TENM3: variants seen among roughly 807,000 people sequenced by gnomAD.
TENM3 encodes teneurin transmembrane protein 3, also known as teneurin-3.
In TENM3, 63 loss-of-function variants were observed where a neutral mutation model predicts 255.1. The ratio of observed to expected loss-of-function variants is 0.25; its 90% CI spans 0.20 to 0.30. The LOEUF is 0.30. Ranked by LOEUF, TENM3 falls within the 10% of genes least tolerant of loss-of-function variation. The probability of loss-of-function intolerance (pLI) is 1.00; values close to 1 mark genes in which losing one functional copy is unlikely to be tolerated. For synonymous variants in TENM3, 1,306 were observed against 1,322.3 expected (o/e 0.99, Z 0.27); for missense variants, 2,929 against 3,461.1 (o/e 0.85, Z 3.86).
chr4:181,888,521 T>TACAC, the TENM3 span, among the ~76,000 whole-genome samples: 3 of 80,544 alleles, frequency 3.7e-5, no homozygotes, highest in African/African-American at 1.2e-4. Context: ...TATATGTATA[T>TACAC]ATATACATAT....
At chr4:181,834,538 T>A in the TENM3 span, among the ~76,000 whole-genome samples, 1 of 152,216 alleles carries the variant, frequency 6.6e-6, no homozygotes, top group Non-Finnish European at 1.5e-5. Flanking sequence ...CCAGCTGGTA[T>A]GCACCTGCAC....
At chr4:181,506,232 A>C in the TENM3 span, among the ~76,000 whole-genome samples, 6 of 152,162 alleles carry the variant, frequency 3.9e-5, no homozygotes, top group Admixed American at 2.6e-4. Flanking sequence ...TCATCCTGCC[A>C]GAAAGTTTAG....
intron 12 of TENM3, among the ~76,000 whole-genome samples, chr4:182,698,793 A>T (rs766424902): frequency 7.2e-5 from 11 of 152,210 alleles, no homozygotes; most frequent in Non-Finnish European, 1.5e-4. Flanking sequence ...GCGTGGTTTC[A>T]TATCAGACGG....
chr4:181,529,810 G>A, the TENM3 span, among the ~76,000 whole-genome samples: 4 of 152,174 alleles, frequency 2.6e-5, no homozygotes, highest in Non-Finnish European at 1.5e-5. Flanking sequence ...TACACACTAG[G>A]TACTTGGAAA....
At chr4:182,051,300 A>C in the TENM3 span, among the ~76,000 whole-genome samples, 1 of 150,222 alleles carries the variant, frequency 6.7e-6, no homozygotes, top group Non-Finnish European at 1.5e-5. Flanking sequence ...CTGAGATTGC[A>C]CCATTGCACT....
At chr4:181,658,073 A>G in the TENM3 span, among the ~76,000 whole-genome samples, 3 of 152,210 alleles carry the variant, frequency 2.0e-5, no homozygotes, top group African/African-American at 7.2e-5. Context: ...AGATCCATAG[A>G]AGCCCAAACG....
the TENM3 span, among the ~76,000 whole-genome samples, chr4:181,539,145 A>T: frequency 2.6e-5 from 4 of 152,190 alleles, no homozygotes; most frequent in Non-Finnish European, 5.9e-5. Flanking sequence ...CCTCAGTAAT[A>T]TATTGTCAAA....
chr4:182,771,286 A>G (rs1008044789), intron 22 of TENM3, among the ~76,000 whole-genome samples: 1 of 152,202 alleles, frequency 6.6e-6, no homozygotes, highest in Non-Finnish European at 1.5e-5. Context: ...AAAAAAGGGC[A>G]GAGGAGAATG....
intron 12 of TENM3, among the ~76,000 whole-genome samples, chr4:182,697,643 G>C (rs932783344): frequency 6.6e-6 from 1 of 152,148 alleles, no homozygotes; most frequent in Non-Finnish European, 1.5e-5. Context: ...TTCGGTGTCT[G>C]TTTCTTCCAT....
At chr4:182,462,395 A>T (rs900491276) in intron 3 of TENM3, among the ~76,000 whole-genome samples, 6 of 151,586 alleles carry the variant, frequency 4.0e-5, no homozygotes, top group African/African-American at 1.5e-4. Flanking sequence ...TACAGACTTA[A>T]TGGGTTGAAT....
At chr4:181,878,720 C>T in the TENM3 span, among the ~76,000 whole-genome samples, 1 of 151,924 alleles carries the variant, frequency 6.6e-6, no homozygotes, top group Non-Finnish European at 1.5e-5. Context: ...ATTCATCTAT[C>T]ATATCATCTA....
chr4:181,484,259 G>A, the TENM3 span, among the ~76,000 whole-genome samples: 1 of 152,066 alleles, frequency 6.6e-6, no homozygotes, highest in Non-Finnish European at 1.5e-5. Context: ...TCACTCGGGA[G>A]AGATTAAATT....
chr4:181,642,760 G>A, the TENM3 span, among the ~76,000 whole-genome samples: 1 of 152,044 alleles, frequency 6.6e-6, no homozygotes, highest in African/African-American at 2.4e-5. Context: ...ATTAAATAGG[G>A]GATCCTTTCC....
chr4:181,858,541 A>G, the TENM3 span, among the ~76,000 whole-genome samples: 1 of 152,208 alleles, frequency 6.6e-6, no homozygotes, highest in Non-Finnish European at 1.5e-5. Flanking sequence ...ACAGAGAAGC[A>G]TGTGATACGT....
intron 3 of TENM3, among the ~76,000 whole-genome samples, chr4:182,554,734 G>A (rs943737831): frequency 6.6e-6 from 1 of 152,014 alleles, no homozygotes; most frequent in Non-Finnish European, 1.5e-5. Flanking sequence ...AAAAGTCATA[G>A]AGAAAAAAAA....
the TENM3 span, among the ~76,000 whole-genome samples, chr4:181,562,099 A>T: frequency 2.0e-5 from 3 of 152,168 alleles, no homozygotes; most frequent in Non-Finnish European, 2.9e-5. Flanking sequence ...GTATTAACAA[A>T]CATTTGTCTA....
chr4:182,608,699 C>G (rs1168417176), intron 4 of TENM3, among the ~76,000 whole-genome samples: 1 of 152,154 alleles, frequency 6.6e-6, no homozygotes, highest in Non-Finnish European at 1.5e-5. Flanking sequence ...TTGGGGGTGG[C>G]CGCTCAGGTC....
At chr4:182,064,675 A>G in the TENM3 span, among the ~76,000 whole-genome samples, 1 of 152,192 alleles carries the variant, frequency 6.6e-6, no homozygotes, top group African/African-American at 2.4e-5. Flanking sequence ...CAGGGCTTAG[A>G]AAACCTAGTG....
At chr4:182,408,715 T>C (rs1769759131) in intron 3 of TENM3, among the ~76,000 whole-genome samples, 1 of 152,256 alleles carries the variant, frequency 6.6e-6, no homozygotes, top group South Asian at 2.1e-4. Flanking sequence ...ACTTTTCTTA[T>C]TAACATTCAG....
Sources: gnomAD v4.1 joint callset for allele counts (sites outside exome capture counted in the v4.1 genomes callset) on GRCh38, gnomAD v4.1.1 for gene constraint, MANE v1.5 for transcripts, NCBI Gene and HGNC (gene_info 2026-07-23, HGNC 2026-07-21) for gene names.